CPLANE1: variants seen among roughly 807,000 people sequenced by gnomAD.
CPLANE1 encodes ciliogenesis and planar polarity effector 1.
CPLANE1 carries 263 observed loss-of-function variants against 362.5 expected under a neutral mutation model. That is an observed-to-expected ratio of 0.73 (90% CI 0.66 to 0.80). The LOEUF (loss-of-function observed/expected upper bound fraction) is 0.80, where lower values mean the gene tolerates loss of function less well. Ranked by LOEUF, CPLANE1 falls within the 30% of genes least tolerant of loss-of-function variation. The pLI is 0.00. For synonymous variants in CPLANE1, 1,212 were observed against 1,302.6 expected (o/e 0.93, Z 1.50); for missense variants, 3,461 against 3,793.4 (o/e 0.91, Z 2.30).
intron 21 of CPLANE1, among the ~76,000 whole-genome samples, chr5:37,191,237 A>G (rs1785467173): frequency 6.6e-6 from 1 of 152,222 alleles, no homozygotes; most frequent in Non-Finnish European, 1.5e-5. Context: ...AAATTTTTCA[A>G]TAGAAAAAAG....
chr5:37,114,906 A>T (rs536261683), intron 51 of CPLANE1, 54 bp downstream of exon 51: 13 of 1,182,940 alleles, frequency 1.1e-5, no homozygotes, highest in Admixed American at 1.1e-4. Context: ...CTCAAAAAAA[A>T]AAAAAAGAAA....
At chr5:37,248,959 C>A (rs1740784447) in intron 1 of CPLANE1, among the ~76,000 whole-genome samples, 1 of 152,198 alleles carries the variant, frequency 6.6e-6, no homozygotes. Flanking sequence ...GAGGTGTGGC[C>A]CGAGCCTGGC....
chr5:37,153,989 C>T lies in CPLANE1; in HGVS notation c.8124G>A (p.Leu2708=), dbSNP rs756822498. 1.2e-6 allele frequency: 2 copies of T among 1,605,452 alleles called. No homozygotes were observed. The highest frequency in any genetic ancestry group is 1.7e-6 in the Non-Finnish European group (2 of 1,174,122). Residue 2708 remains leucine (L), a synonymous_variant, in exon 42 of 53, where the codon CTG becomes CTA. Coordinates refer to ENST00000651892, the MANE Select transcript of CPLANE1 (RefSeq NM_001384732.1). ...CTTTGAATCGGAACTCTGGTTTTGG[C>T]AGACCTAAATATTAATAAGAATAAA... ...TPSDIQQNKG[L]PKPEFRFKGQ...
chr5:37,227,541 C>A, intron 10 of CPLANE1, 27 bp downstream of exon 10: 4 of 1,512,070 alleles, frequency 2.6e-6, no homozygotes, highest in Non-Finnish European at 3.5e-6. Flanking sequence ...AGGCAACTTT[C>A]CCCAATGATA....
chr5:37,237,393 C>T lies in CPLANE1; in HGVS notation c.938+1464G>A, dbSNP rs148116039. 7.8e-3 allele frequency among the ~76,000 whole-genome samples: 1,189 copies of T among 152,176 alleles called. 22 individuals carry two copies. The highest frequency in any genetic ancestry group is 0.028 in the African/African-American group (1,152 of 41,516). Reference sequence around the variant, plus strand: ...TTCTAACTTATAAGTAGGGACTAAACAATGGGTACACATGGACATACAGAG... The same window carrying T: ...TTCTAACTTATAAGTAGGGACTAAATAATGGGTACACATGGACATACAGAG... On this transcript the variant is annotated intron_variant, in intron 8 of 52. Transcript: ENST00000651892.
At chr5:37,188,298 A>G (rs1784571797) in intron 21 of CPLANE1, among the ~76,000 whole-genome samples, 1 of 152,204 alleles carries the variant, frequency 6.6e-6, no homozygotes, top group South Asian at 2.1e-4. Flanking sequence ...CAGGCTCACA[A>G]TCCAGCTATC....
At chr5:37,210,683 A>G in intron 16 of CPLANE1, 1 of 1,569,152 alleles carries the variant, frequency 6.4e-7, no homozygotes, top group Middle Eastern at 1.7e-4. Context: ...ATTCACTACT[A>G]AAAGAAGAGA....
At chr5:37,140,035 T>C in intron 44 of CPLANE1, 1 of 944,162 alleles carries the variant, frequency 1.1e-6, no homozygotes, top group Non-Finnish European at 1.3e-6. Context: ...CTTATTTAAA[T>C]CCGAGAAGCA....
chr5:37,168,456 T>A (rs1297606514), intron 34 of CPLANE1, among the ~76,000 whole-genome samples: 1 of 147,258 alleles, frequency 6.8e-6, no homozygotes, highest in Non-Finnish European at 1.5e-5. Flanking sequence ...TATGAAAGAG[T>A]CCAGTAAATT....
chr5:37,202,335 T>C (rs1789443204), intron 18 of CPLANE1, among the ~76,000 whole-genome samples: 1 of 152,090 alleles, frequency 6.6e-6, no homozygotes, highest in South Asian at 2.1e-4. Context: ...TTTTTGTATT[T>C]TTAGTAGAGA....
chr5:37,099,429 T>C, the CPLANE1 span, among the ~76,000 whole-genome samples: 9 of 152,316 alleles, frequency 5.9e-5, no homozygotes, highest in South Asian at 2.1e-4. Flanking sequence ...TTACTGATGA[T>C]TATGGCTCCC....
At chr5:37,224,206 A>T in intron 14 of CPLANE1, 47 bp downstream of exon 14, 1 of 1,263,692 alleles carries the variant, frequency 7.9e-7, no homozygotes, top group Non-Finnish European at 1.1e-6. Context: ...GCAAGCTAAA[A>T]GGAGTCCTGC....
chr5:37,085,317 G>C, the CPLANE1 span: 1 of 1,217,328 alleles, frequency 8.2e-7, no homozygotes, highest in Admixed American at 1.7e-5. Flanking sequence ...ATTCATGGAT[G>C]TCATCAGCAT....
At chr5:37,177,438 A>G (rs970329613) in intron 30 of CPLANE1, among the ~76,000 whole-genome samples, 183 bp downstream of exon 30, 1 of 152,218 alleles carries the variant, frequency 6.6e-6, no homozygotes, top group Non-Finnish European at 1.5e-5. Flanking sequence ...ATTTCACTCT[A>G]TCAATACATA....
intron 26 of CPLANE1, 125 bp downstream of exon 26, chr5:37,182,635 T>G (rs1436182768): frequency 1.5e-6 from 1 of 678,780 alleles, no homozygotes. Flanking sequence ...AGATACTGAT[T>G]ATAATCAACA....
chr5:37,148,110 A>G (rs1772281371), intron 43 of CPLANE1, 71 bp downstream of exon 43: 16 of 1,172,792 alleles, frequency 1.4e-5, no homozygotes, highest in East Asian at 2.4e-5. Context: ...CTGGCACTCC[A>G]CAAAACAATG....
intron 44 of CPLANE1, chr5:37,141,555 TTAAG>T (rs1358505651): frequency 3.1e-6 from 3 of 973,312 alleles, no homozygotes; most frequent in Admixed American, 6.2e-5. Flanking sequence ...TTTCTTTTAT[TTAAG>T]TAACAGTAAT....
chr5:37,157,443 C>T (rs188987758), intron 40 of CPLANE1, 23 bp from the exon 41 acceptor site: 2 of 1,486,706 alleles, frequency 1.3e-6, no homozygotes, highest in East Asian at 5.2e-5. Context: ...AAAATAAATC[C>T]ATAGAGGAAT....
the CPLANE1 span, among the ~76,000 whole-genome samples, chr5:37,096,702 A>T: frequency 6.6e-6 from 1 of 152,184 alleles, no homozygotes; most frequent in African/African-American, 2.4e-5. Flanking sequence ...AACTCAAATC[A>T]GCAAGAAAAA....
Sources: allele counts gnomAD v4.1 joint callset (sites outside exome capture counted in the v4.1 genomes callset), GRCh38; gene constraint gnomAD v4.1.1; transcripts MANE v1.5; gene names NCBI Gene and HGNC (gene_info 2026-07-23, HGNC 2026-07-21).